The following ADAM19 variants were observed in gnomAD, a reference collection of about 807,000 sequenced individuals.
ADAM19 encodes the protein ADAM metallopeptidase domain 19, also known as disintegrin and metalloproteinase domain-containing protein 19.
ADAM19 carries 65 observed loss-of-function variants against 114.7 expected under a neutral mutation model. The ratio of observed to expected loss-of-function variants is 0.57; its 90% CI spans 0.46 to 0.70. The LOEUF (loss-of-function observed/expected upper bound fraction) is 0.70, where lower values mean the gene tolerates loss of function less well. Among genes scored for constraint, ADAM19 ranks in the 30% least tolerant of loss-of-function variants. The pLI is 0.00. For missense variants in ADAM19, 1,063 were observed against 1,204.7 expected, an observed-to-expected ratio of 0.88 and a Z score of 1.74; for synonymous variants, 466 against 460.5, an observed-to-expected ratio of 1.01 and a Z score of -0.15.
intron 3 of ADAM19, among the ~76,000 whole-genome samples, chr5:157,542,821 A>G (rs192952946): frequency 1.9e-4 from 29 of 152,330 alleles, no homozygotes; most frequent in Admixed American, 5.2e-4. Flanking sequence ...TTAAATTAAA[A>G]AACACTAAGG....
At chr5:157,537,375 C>T (rs570281428) in intron 4 of ADAM19, among the ~76,000 whole-genome samples, 1 of 152,284 alleles carries the variant, frequency 6.6e-6, no homozygotes, top group East Asian at 1.9e-4. Context: ...ATTGCGTAAA[C>T]ATCCCTACTC....
intron 5 of ADAM19, among the ~76,000 whole-genome samples, chr5:157,521,239 T>G (rs1283153421): frequency 6.6e-6 from 1 of 152,172 alleles, no homozygotes; most frequent in Non-Finnish European, 1.5e-5. Flanking sequence ...TCTGCCAACC[T>G]TGATACAATG....
intron 4 of ADAM19, among the ~76,000 whole-genome samples, chr5:157,535,040 T>TAAAA (rs368960515): frequency 1.0e-4 from 12 of 115,312 alleles, no homozygotes; most frequent in Admixed American, 7.1e-4. Context: ...TCCTCATCTG[T>TAAAA]AAAATGTGGG....
chr5:157,538,144 G>C (rs1756815987), intron 3 of ADAM19, among the ~76,000 whole-genome samples, 153 bp from the exon 4 acceptor site: 1 of 151,972 alleles, frequency 6.6e-6, no homozygotes, highest in South Asian at 2.1e-4. Context: ...GGAACAAAAA[G>C]GAAAACCATA....
intron 14 of ADAM19, among the ~76,000 whole-genome samples, chr5:157,496,641 C>T (rs1256270959): frequency 6.6e-6 from 1 of 152,182 alleles, no homozygotes; most frequent in African/African-American, 2.4e-5. Context: ...TTCTCTGTCT[C>T]CATCCTCTGC....
chr5:157,558,073 A>G (rs185302313), intron 3 of ADAM19, among the ~76,000 whole-genome samples: 154 of 152,352 alleles, frequency 1.0e-3, no homozygotes, highest in African/African-American at 3.3e-3. Flanking sequence ...CAAAGCTACA[A>G]TTAGAAACTA....
chr5:157,519,793 A>G (rs1397913508), intron 6 of ADAM19, 46 bp downstream of exon 6: 5 of 1,541,102 alleles, frequency 3.2e-6, no homozygotes, highest in Admixed American at 1.9e-5. Flanking sequence ...AGAGGGGACA[A>G]GCCTGTCCCC....
chr5:157,486,284 G>C (rs1199200939), intron 21 of ADAM19, among the ~76,000 whole-genome samples: 2 of 152,146 alleles, frequency 1.3e-5, no homozygotes, highest in African/African-American at 4.8e-5. Flanking sequence ...TCCCTTCTTG[G>C]AATGGCTGTG....
At chr5:157,514,108 G>A (rs1756017114) in intron 7 of ADAM19, among the ~76,000 whole-genome samples, 1 of 152,170 alleles carries the variant, frequency 6.6e-6, no homozygotes, top group Non-Finnish European at 1.5e-5. Flanking sequence ...TGTACTTAAG[G>A]AGTATAGAAC....
In ADAM19 at chr5:157,530,800, C is replaced by A. The variant is rs776394640; in HGVS notation, c.407+7G>T. 6.2e-7 allele frequency: 1 copy of A among 1,613,786 alleles called. No homozygotes were observed. The highest frequency in any genetic ancestry group is 8.5e-7 in the Non-Finnish European group (1 of 1,179,682). On this transcript the variant is annotated splice_region_variant and intron_variant, in intron 5 of 22. Transcript: ENST00000257527. ...CCGGTGCCACCTGCAGCCTCAGGGT[C>A]TCTTACCTAATTCCTCGGCAAGTGC...
Position 157,530,796 on chromosome 5 carries a change from G to A in ADAM19, c.407+11C>T. On this transcript the variant is annotated intron_variant, in intron 5 of 22. Coordinates refer to ENST00000257527, the MANE Select transcript of ADAM19 (RefSeq NM_033274.5). ...GTGCCCGGTGCCACCTGCAGCCTCA[G>A]GGTCTCTTACCTAATTCCTCGGCAA... 6.2e-7 allele frequency: 1 copy of A among 1,612,970 alleles called. No homozygotes were observed. The highest frequency in any genetic ancestry group is 8.5e-7 in the Non-Finnish European group (1 of 1,178,970).
Position 157,477,895 on chromosome 5 carries a change from C to A in ADAM19, c.*3054G>T. 2.7e-6 allele frequency: 1 copy of A among 374,726 alleles called. No individual in the cohort carries two copies. The highest frequency in any genetic ancestry group is 5.0e-6 in the Non-Finnish European group (1 of 198,458). The allele number at this position is 374,726 out of a possible 1,614,324, so 23.2% of individuals were successfully genotyped here. A position where few individuals can be genotyped will look rare whatever the true frequency, so the allele number is the denominator to read the frequency against. On this transcript the variant is annotated 3_prime_UTR_variant, in exon 23 of 23. Transcript: ENST00000257527. ...ACCAGAAAATCAGCAAGTCTCAGAC[C>A]TTAAGATCTGCAAGTGTCTCAGAGC...
chr5:157,560,787 T>C (rs1381061648), intron 3 of ADAM19, among the ~76,000 whole-genome samples: 4 of 152,238 alleles, frequency 2.6e-5, no homozygotes, highest in Non-Finnish European at 4.4e-5. Context: ...GGAGGGAAAC[T>C]TTCATTCTTT....
At chr5:157,562,118 A>G (rs1346847364) in intron 3 of ADAM19, among the ~76,000 whole-genome samples, 1 of 152,188 alleles carries the variant, frequency 6.6e-6, no homozygotes, top group Non-Finnish European at 1.5e-5. Context: ...CGCACCATGA[A>G]TGAGAAGGCT....
intron 9 of ADAM19, among the ~76,000 whole-genome samples, chr5:157,508,337 T>C (rs1380071362): frequency 6.6e-6 from 1 of 152,232 alleles, no homozygotes; most frequent in African/African-American, 2.4e-5. Flanking sequence ...GCCAGGCATG[T>C]GTGGCTCACG....
At chr5:157,506,148 GA>G (rs1478431111) in intron 10 of ADAM19, among the ~76,000 whole-genome samples, 2 of 152,098 alleles carry the variant, frequency 1.3e-5, no homozygotes, top group Non-Finnish European at 2.9e-5. Context: ...CAGACATAAG[GA>G]AATCAACATA....
chr5:157,503,724 T>A (rs1420697409), intron 11 of ADAM19, among the ~76,000 whole-genome samples: 1 of 152,168 alleles, frequency 6.6e-6, no homozygotes, highest in East Asian at 1.9e-4. Context: ...GAAGCTGATA[T>A]CAGGTGAATA....
chr5:157,481,519 G>A (rs1754746061), intron 22 of ADAM19: 4 of 1,199,172 alleles, frequency 3.3e-6, no homozygotes, highest in Non-Finnish European at 4.6e-6. Flanking sequence ...AGACTCAAGA[G>A]GGACTTGCTC....
intron 21 of ADAM19, 134 bp from the exon 22 acceptor site, chr5:157,482,077 T>C (rs917385532): frequency 2.8e-6 from 2 of 713,902 alleles, no homozygotes; most frequent in Non-Finnish European, 4.6e-6. Context: ...AGAAACTGTA[T>C]GTATAATGTG....
Sources: gnomAD v4.1 joint callset for allele counts (sites outside exome capture counted in the v4.1 genomes callset) on GRCh38, gnomAD v4.1.1 for gene constraint, MANE v1.5 for transcripts, NCBI Gene and HGNC (gene_info 2026-07-23, HGNC 2026-07-21) for gene names.